Variants in PARD3 observed in about 807,000 individuals in gnomAD.
The protein encoded by PARD3 is partitioning defective 3 homolog.
PARD3 carries 75 observed loss-of-function variants against 155.4 expected under a neutral mutation model. The ratio of observed to expected loss-of-function variants is 0.48; its 90% CI spans 0.40 to 0.58. The LOEUF (loss-of-function observed/expected upper bound fraction) is 0.58, where lower values mean the gene tolerates loss of function less well. PARD3 is among the 20% of genes least tolerant of loss of function. The probability of loss-of-function intolerance (pLI) is 0.00; values close to 1 mark genes in which losing one functional copy is unlikely to be tolerated. For synonymous variants in PARD3, 576 were observed against 610.5 expected (o/e 0.94, Z 0.83); for missense variants, 1,642 against 1,721.7 (o/e 0.95, Z 0.82).
intron 2 of PARD3, among the ~76,000 whole-genome samples, chr10:34,690,791 C>T (rs147604280): frequency 6.6e-6 from 1 of 152,206 alleles, no homozygotes; most frequent in Non-Finnish European, 1.5e-5. Context: ...GAGAAACAGG[C>T]GTGCTCATCT....
chr10:34,738,752 T>TA (rs541099884), intron 1 of PARD3, among the ~76,000 whole-genome samples: 63 of 151,834 alleles, frequency 4.1e-4, no homozygotes, highest in African/African-American at 1.2e-3. Flanking sequence ...GACCCTGTCT[T>TA]AAAAAAACAG....
At chr10:34,686,197 A>G (rs2477005) in intron 2 of PARD3, among the ~76,000 whole-genome samples, 97,118 of 152,034 alleles carry the variant, frequency 0.64, 31,529 homozygotes, top group Non-Finnish European at 0.67. Context: ...AATATGTCTT[A>G]TTTTTACAGC....
At chr10:34,423,500 G>T (rs913387790) in intron 5 of PARD3, among the ~76,000 whole-genome samples, 3 of 152,048 alleles carry the variant, frequency 2.0e-5, no homozygotes, top group African/African-American at 7.2e-5. Flanking sequence ...AGTACGTGAG[G>T]TATTACATGT....
chr10:34,690,511 T>C (rs1048746769), intron 2 of PARD3, among the ~76,000 whole-genome samples: 1 of 152,148 alleles, frequency 6.6e-6, no homozygotes, highest in Non-Finnish European at 1.5e-5. Context: ...CAGGCCTTAC[T>C]ACATTATGCT....
intron 3 of PARD3, among the ~76,000 whole-genome samples, chr10:34,488,262 C>T (rs1222880201): frequency 1.3e-5 from 2 of 152,108 alleles, no homozygotes; most frequent in East Asian, 1.9e-4. Flanking sequence ...TCATTTTTAT[C>T]AGAGCTGGGC....
At chr10:34,148,521 T>C (rs888092852) in intron 22 of PARD3, among the ~76,000 whole-genome samples, 1 of 152,168 alleles carries the variant, frequency 6.6e-6, no homozygotes, top group African/African-American at 2.4e-5. Flanking sequence ...ATTGTTTCTA[T>C]AGGTTTCTGC....
In PARD3 at chr10:34,251,491, G is replaced by A. The variant is rs544944259; in HGVS notation, c.3419+18166C>T. On this transcript the variant is annotated intron_variant, in intron 22 of 24. Transcript: ENST00000374788. Reference sequence around the variant, plus strand: ...CAGTGAGGTAAGTGTTATTATCCCCGTTTTGCAGATACAAGAAGTAAGGCA... The same window carrying A: ...CAGTGAGGTAAGTGTTATTATCCCCATTTTGCAGATACAAGAAGTAAGGCA... Among the ~76,000 whole-genome samples the A allele has an allele frequency of 4.6e-5, 7 of 152,272 alleles. No individual in the cohort carries two copies. The South Asian group carries it at 8.3e-4, about 18-fold the overall frequency.
At chr10:34,162,193 A>G (rs576155480) in intron 22 of PARD3, among the ~76,000 whole-genome samples, 19 of 152,276 alleles carry the variant, frequency 1.2e-4, no homozygotes, top group Non-Finnish European at 2.2e-4. Flanking sequence ...CCCAGAGCAG[A>G]CTAAGGGACC....
chr10:34,724,614 C>G (rs1564548684), intron 1 of PARD3, among the ~76,000 whole-genome samples: 1 of 152,122 alleles, frequency 6.6e-6, no homozygotes, highest in Non-Finnish European at 1.5e-5. Flanking sequence ...TATATATAAG[C>G]TAAACTGGCT....
At chr10:34,377,762 AC>A (rs1279967506) in intron 10 of PARD3, among the ~76,000 whole-genome samples, 1 of 152,160 alleles carries the variant, frequency 6.6e-6, no homozygotes, top group African/African-American at 2.4e-5. Flanking sequence ...CTCTGCCTCT[AC>A]AAAAATTTTA....
chr10:34,211,568 G>A lies in PARD3; in HGVS notation c.3419+58089C>T, dbSNP rs4312016. ...AGGCCGAGGCAGACGGATCACTTGAGATCAGGAGTTCGAGACTAGCCTGGC... is the reference window on the plus strand; with the variant it reads ...AGGCCGAGGCAGACGGATCACTTGAAATCAGGAGTTCGAGACTAGCCTGGC... On this transcript the variant is annotated intron_variant, in intron 22 of 24. Coordinates refer to ENST00000374788, the MANE Select transcript of PARD3 (RefSeq NM_001184785.2). 4.6e-5 allele frequency among the ~76,000 whole-genome samples: 7 copies of A among 152,304 alleles called. No homozygotes were observed. The East Asian group carries it at 7.7e-4, about 17-fold the overall frequency.
Position 34,720,957 on chromosome 10 carries a change from CAATT to C in PARD3, c.121-24542_121-24539del, listed in dbSNP as rs141775690. On this transcript the variant is annotated intron_variant, in intron 1 of 24. Transcript: ENST00000374788. ...ATTTGCCTTTAATGATTTTCACTCT[CAATT>C]AAAAGGCCCAATGTCATGATGAAAT... Among the ~76,000 whole-genome samples, 5 of 152,254 alleles carry C rather than the reference CAATT, an allele frequency of 3.3e-5. No homozygotes were observed. In the East Asian group the frequency reaches 9.7e-4, roughly 29 times the overall value.
chr10:34,311,750 T>A (rs11009727), intron 20 of PARD3, among the ~76,000 whole-genome samples: 1 of 151,776 alleles, frequency 6.6e-6, no homozygotes, highest in Non-Finnish European at 1.5e-5. Context: ...ACCACCCCCC[T>A]GCCAACCACC....
chr10:34,377,313 A>T (rs2134690680), intron 10 of PARD3, among the ~76,000 whole-genome samples: 1 of 152,360 alleles, frequency 6.6e-6, no homozygotes, highest in South Asian at 2.1e-4. Context: ...AAAATTTATA[A>T]CTAAACTAAA....
At chr10:34,218,756 A>C (rs1407349091) in intron 22 of PARD3, among the ~76,000 whole-genome samples, 1 of 135,180 alleles carries the variant, frequency 7.4e-6, no homozygotes, top group Admixed American at 8.0e-5. Flanking sequence ...GGAGATGAGG[A>C]GGGCATGGGA....
intron 2 of PARD3, among the ~76,000 whole-genome samples, chr10:34,633,563 C>T (rs2092356770): frequency 6.6e-6 from 1 of 152,196 alleles, no homozygotes; most frequent in South Asian, 2.1e-4. Context: ...ACTGTGTATA[C>T]AGACCATTTA....
At chr10:34,794,904 C>G (rs922150731) in intron 1 of PARD3, among the ~76,000 whole-genome samples, 1 of 152,258 alleles carries the variant, frequency 6.6e-6, no homozygotes, top group Non-Finnish European at 1.5e-5. Flanking sequence ...CACATACACA[C>G]GTATCTATGG....
chr10:34,623,040 A>G (rs1231102285), intron 2 of PARD3, among the ~76,000 whole-genome samples: 2 of 152,060 alleles, frequency 1.3e-5, no homozygotes, highest in African/African-American at 2.4e-5. Flanking sequence ...TACAGGTCAC[A>G]TGTGAAACTT....
Position 34,395,604 on chromosome 10 carries a change from G to A in PARD3, c.890+3726C>T, listed in dbSNP as rs534500977. ...TGTAATCCCAGCACTTTGGGAGGCC[G>A]AGGCGGGTGGATCATGAGGTCAGGA... On this transcript the variant is annotated intron_variant, in intron 7 of 24. Coordinates refer to ENST00000374788, the MANE Select transcript of PARD3 (RefSeq NM_001184785.2). 2.0e-4 allele frequency among the ~76,000 whole-genome samples: 6 copies of A among 30,234 alleles called. 2 individuals are homozygous for A. The highest frequency in any genetic ancestry group is 1.2e-3 in the East Asian group (2 of 1,668). The allele number at this position is 30,234 out of a possible 152,430, so 19.8% of individuals were successfully genotyped here. A position where few individuals can be genotyped will look rare whatever the true frequency, so the allele number is the denominator to read the frequency against.
Sources: allele counts gnomAD v4.1 joint callset (sites outside exome capture counted in the v4.1 genomes callset), GRCh38; gene constraint gnomAD v4.1.1; transcripts MANE v1.5; gene names NCBI Gene and HGNC (gene_info 2026-07-23, HGNC 2026-07-21).